The following PAFAH2 variants were observed in gnomAD, a reference collection of about 807,000 sequenced individuals.
PAFAH2 encodes the protein platelet activating factor acetylhydrolase 2, also known as platelet-activating factor acetylhydrolase 2, cytoplasmic.
A neutral mutation model predicts 49.0 loss-of-function variants in PAFAH2; 42 were observed. The observed-to-expected ratio is 0.86, with a 90% CI of 0.67 to 1.11. PAFAH2 has a LOEUF of 1.11. Among genes scored for constraint, PAFAH2 ranks in the 50% least tolerant of loss-of-function variants. The probability of loss-of-function intolerance (pLI) is 0.00; values close to 1 mark genes in which losing one functional copy is unlikely to be tolerated. For missense variants in PAFAH2, 503 were observed against 501.8 expected, an observed-to-expected ratio of 1.00 and a Z score of -0.02; for synonymous variants, 184 against 181.3, an observed-to-expected ratio of 1.01 and a Z score of -0.12.
rs984648527 is a variant in PAFAH2, at chr1:25,977,115, C to T, written c.667-342G>A. On this transcript the variant is annotated intron_variant, in intron 7 of 10. Transcript: ENST00000374282. ...TCGGCTCACTGCAAGCTCCGCCTCC[C>T]GGGTTCACGCCATTCTCCTGCCTCA... 6.0e-5 allele frequency among the ~76,000 whole-genome samples: 9 copies of T among 148,802 alleles called. No homozygotes were observed. In the East Asian group the frequency reaches 1.0e-3, roughly 17 times the overall value.
chr1:25,987,846 C>T (rs1364113455), intron 4 of PAFAH2, among the ~76,000 whole-genome samples: 1 of 151,988 alleles, frequency 6.6e-6, no homozygotes, highest in Non-Finnish European at 1.5e-5. Flanking sequence ...CCACTGCACT[C>T]CAGCCTGGGC....
chr1:25,977,221 G>C (rs1379583498), intron 7 of PAFAH2, among the ~76,000 whole-genome samples: 1 of 150,116 alleles, frequency 6.7e-6, no homozygotes, highest in Non-Finnish European at 1.5e-5. Context: ...ACGGGGTCTC[G>C]ATCTCCTGAC....
intron 10 of PAFAH2, among the ~76,000 whole-genome samples, chr1:25,965,504 A>G (rs1212222033): frequency 6.6e-6 from 1 of 152,190 alleles, no homozygotes; most frequent in Non-Finnish European, 1.5e-5. Context: ...ATATCCAACA[A>G]AGGGCTAATA....
chr1:25,994,211 G>A (rs1389221500), intron 1 of PAFAH2, among the ~76,000 whole-genome samples: 3 of 150,914 alleles, frequency 2.0e-5, no homozygotes, highest in African/African-American at 7.3e-5. Flanking sequence ...GCTCACTGTG[G>A]CCTCACCCTC....
intron 7 of PAFAH2, among the ~76,000 whole-genome samples, 157 bp from the exon 8 acceptor site, chr1:25,976,930 A>AT (rs2124338701): frequency 6.6e-6 from 1 of 151,632 alleles, no homozygotes; most frequent in East Asian, 1.9e-4. Context: ...TCTCTTACCT[A>AT]TGGAAGGGGC....
intron 8 of PAFAH2, 120 bp from the exon 9 acceptor site, chr1:25,974,770 G>A (rs957802785): frequency 3.7e-6 from 3 of 813,050 alleles, no homozygotes; most frequent in Admixed American, 6.0e-5. Context: ...AAGCCAGGAG[G>A]GGGGTACCAG....
chr1:25,990,840 A>C lies in PAFAH2; in HGVS notation c.-24T>G. On this transcript the variant is annotated 5_prime_UTR_variant, in exon 2 of 11. Coordinates refer to ENST00000374282, the MANE Select transcript of PAFAH2 (RefSeq NM_000437.4). ...ATTTCATCACCGGGTGAATCAAATG[A>C]CTTGCCGGAGCTGAACTTGCTGGCT... 1 of 1,601,798 alleles carries C rather than the reference A, an allele frequency of 6.2e-7. No homozygotes were observed. The highest frequency in any genetic ancestry group is 8.6e-7 in the Non-Finnish European group (1 of 1,168,970).
chr1:25,969,517 A>G (rs1379540321), intron 10 of PAFAH2, among the ~76,000 whole-genome samples: 2 of 152,232 alleles, frequency 1.3e-5, no homozygotes, highest in Non-Finnish European at 2.9e-5. Flanking sequence ...ATAACCAGAT[A>G]ACCTTAAAGA....
At chr1:25,971,871 C>G (rs1213648064) in intron 10 of PAFAH2, among the ~76,000 whole-genome samples, 1 of 152,128 alleles carries the variant, frequency 6.6e-6, no homozygotes, top group Non-Finnish European at 1.5e-5. Flanking sequence ...TAAAACACTT[C>G]CATAAATTTA....
At chr1:25,985,202 T>C (rs2049764797) in intron 4 of PAFAH2, among the ~76,000 whole-genome samples, 1 of 152,230 alleles carries the variant, frequency 6.6e-6, no homozygotes, top group Non-Finnish European at 1.5e-5. Flanking sequence ...CTGTGTCACC[T>C]TGGGCAAGTC....
intron 4 of PAFAH2, among the ~76,000 whole-genome samples, chr1:25,986,957 C>T (rs958018311): frequency 2.0e-5 from 3 of 151,972 alleles, no homozygotes. Context: ...TAAAATAGAT[C>T]TCCCTGACAG....
In PAFAH2 at chr1:25,976,719, T is replaced by A. The variant is rs760413958; in HGVS notation, c.721A>T (p.Thr241Ser). The A allele has an allele frequency of 1.2e-6, 2 of 1,614,258 alleles. No individual in the cohort carries two copies. The highest frequency in any genetic ancestry group is 4.5e-5 in the East Asian group (2 of 44,888). The change falls in exon 8 of 11, where the codon ACA (threonine) becomes TCA (serine). Residue 241 changes from threonine (T) to serine (S), a missense_variant. Physicochemically the swap from Thr to Ser is moderately conservative, Grantham distance 58. Transcript: ENST00000374282. ...AVMGHSFGGA[T>S]AILALAKETQ... ...TCCTTGGCCAAAGCCAGAATAGCTG[T>A]GGCCCCTCCAAATGAATGTCCCATC...
chr1:25,964,310 T>C (rs1239809508), intron 10 of PAFAH2: 1 of 152,106 alleles, frequency 6.6e-6, no homozygotes, highest in Non-Finnish European at 1.5e-5. Context: ...TAAAGAGAAA[T>C]AAATAATAAT....
chr1:25,966,370 G>A (rs534654734), intron 10 of PAFAH2, among the ~76,000 whole-genome samples: 29 of 152,238 alleles, frequency 1.9e-4, no homozygotes, highest in African/African-American at 6.7e-4. Flanking sequence ...ATCACCCTAA[G>A]TGCCCATCAA....
Position 25,960,736 on chromosome 1 carries a change from AAGGTAC to A in PAFAH2, c.*1247_*1252del, listed in dbSNP as rs2049326487. On this transcript the variant is annotated 3_prime_UTR_variant, in exon 11 of 11. Coordinates refer to ENST00000374282, the MANE Select transcript of PAFAH2 (RefSeq NM_000437.4). ...ATATTTGAGGCAAGAAAAAATGACC[AAGGTAC>A]TCCTAGGCCTCTCTGGGAGTGGCCT... 1 of 152,388 alleles carries A rather than the reference AAGGTAC, an allele frequency of 6.6e-6. No individual in the cohort carries two copies. Among genetic ancestry groups the A allele is most frequent in the Admixed American group, 6.5e-5 (1 of 15,268 alleles). 9.4% of individuals were successfully genotyped at this position (152,388 alleles called of 1,614,324 possible). A position where few individuals can be genotyped will look rare whatever the true frequency, so the allele number is the denominator to read the frequency against.
intron 7 of PAFAH2, among the ~76,000 whole-genome samples, chr1:25,978,780 G>A (rs1416595367): frequency 6.6e-6 from 1 of 152,142 alleles, no homozygotes; most frequent in Non-Finnish European, 1.5e-5. Context: ...TCTTACACAG[G>A]AGCACCCATA....
intron 7 of PAFAH2, among the ~76,000 whole-genome samples, chr1:25,980,736 A>G (rs1448641474): frequency 1.3e-5 from 2 of 151,526 alleles, no homozygotes; most frequent in African/African-American, 2.4e-5. Context: ...AAAATCATGC[A>G]GTTGGGTGCA....
At chr1:25,991,636 T>C (rs1050222983) in intron 1 of PAFAH2, among the ~76,000 whole-genome samples, 1 of 145,730 alleles carries the variant, frequency 6.9e-6, no homozygotes, top group Non-Finnish European at 1.5e-5. Context: ...CTCACGCCTG[T>C]AATCCAAGCA....
At chr1:25,975,593 A>T (rs2049576957) in intron 8 of PAFAH2, among the ~76,000 whole-genome samples, 1 of 152,088 alleles carries the variant, frequency 6.6e-6, no homozygotes, top group Non-Finnish European at 1.5e-5. Flanking sequence ...AAAAATAAGA[A>T]GAAAAACCTG....
Sources: allele counts gnomAD v4.1 joint callset (sites outside exome capture counted in the v4.1 genomes callset), GRCh38; gene constraint gnomAD v4.1.1; transcripts MANE v1.5; gene names NCBI Gene and HGNC (gene_info 2026-07-23, HGNC 2026-07-21).